The following SLIT3 variants were observed in gnomAD, a reference collection of about 807,000 sequenced individuals.
SLIT3 encodes slit homolog 3 protein.
In SLIT3, 68 loss-of-function variants were observed where a neutral mutation model predicts 184.0. That is an observed-to-expected ratio of 0.37 (90% CI 0.30 to 0.45). SLIT3 has a LOEUF of 0.45. Among genes scored for constraint, SLIT3 ranks in the 20% least tolerant of loss-of-function variants. The pLI is 1.00. For synonymous variants in SLIT3, 831 were observed against 828.6 expected, an observed-to-expected ratio of 1.00 and a Z score of -0.05; for missense variants, 1,707 against 2,026.0, an observed-to-expected ratio of 0.84 and a Z score of 3.02.
chr5:169,244,334 G>C (rs751007517), intron 3 of SLIT3, among the ~76,000 whole-genome samples: 2 of 152,234 alleles, frequency 1.3e-5, no homozygotes, highest in Non-Finnish European at 2.9e-5. Flanking sequence ...GAGGACTAGG[G>C]ACTATCTGAT....
At chr5:169,015,086 C>T (rs969134037) in intron 4 of SLIT3, among the ~76,000 whole-genome samples, 4 of 149,548 alleles carry the variant, frequency 2.7e-5, no homozygotes, top group African/African-American at 9.9e-5. Context: ...AAATGAATTA[C>T]AAACCAACTA....
At chr5:169,283,412 C>T (rs1767053917) in intron 1 of SLIT3, among the ~76,000 whole-genome samples, 1 of 152,186 alleles carries the variant, frequency 6.6e-6, no homozygotes, top group South Asian at 2.1e-4. Context: ...TCTCCTTGTT[C>T]CTCTGGTCAA....
At chr5:168,762,791 G>A in intron 14 of SLIT3, 102 bp from the exon 15 acceptor site, 3 of 1,199,696 alleles carry the variant, frequency 2.5e-6, no homozygotes, top group Non-Finnish European at 3.6e-6. Context: ...GGAATGAGTT[G>A]GGGGCTGTTA....
At chr5:168,693,387 C>T (rs918378198) in intron 28 of SLIT3, among the ~76,000 whole-genome samples, 1 of 152,212 alleles carries the variant, frequency 6.6e-6, no homozygotes, top group East Asian at 1.9e-4. Context: ...TCTCTAGACA[C>T]ATTGCCTTTG....
chr5:168,772,753 G>T lies in SLIT3; in HGVS notation c.1459+28C>A, dbSNP rs756424904. ...GGGCTGCTGCATTCTGAGTCAGAAA[G>T]CGGGGCCCAGCCCCGTAACCTGATT... is the stretch of plus-strand genomic sequence containing the variant. On this transcript the variant is annotated intron_variant, in intron 14 of 35. Transcript: ENST00000519560. 7.4e-6 allele frequency: 12 copies of T among 1,613,082 alleles called. No homozygotes were observed. The South Asian group carries it at 1.1e-4, about 15-fold the overall frequency.
intron 4 of SLIT3, among the ~76,000 whole-genome samples, chr5:168,900,490 C>T (rs1240981789): frequency 6.6e-6 from 1 of 152,116 alleles, no homozygotes; most frequent in Non-Finnish European, 1.5e-5. Context: ...TGGTATGTGC[C>T]TGTAGTCCCA....
At position 168,662,301 on chromosome 5, in the gene SLIT3, C is replaced by G. The variant is rs1057136946; in HGVS notation, c.*4153G>C. The G allele has an allele frequency of 5.3e-5, 8 of 152,250 alleles. No homozygotes were observed. The highest frequency in any genetic ancestry group is 1.9e-4 in the African/African-American group (8 of 41,462). 9.4% of individuals were successfully genotyped at this position (152,250 alleles called of 1,614,324 possible). The stretch of plus-strand genomic sequence containing the variant: ...GATCTTGAGTCTGAGGGGCAGGTCA[C>G]TTGTTGCTATGGGCTTCTGCTCCCA... On this transcript the variant is annotated 3_prime_UTR_variant, in exon 36 of 36. Transcript: ENST00000519560.
At chr5:168,773,345 C>T (rs1034071460) in intron 13 of SLIT3, among the ~76,000 whole-genome samples, 1 of 152,186 alleles carries the variant, frequency 6.6e-6, no homozygotes, top group Non-Finnish European at 1.5e-5. Context: ...TGGCACGGCG[C>T]CTGGCATATG....
intron 9 of SLIT3, among the ~76,000 whole-genome samples, chr5:168,798,714 G>C (rs1405858659): frequency 6.6e-6 from 1 of 152,140 alleles, no homozygotes; most frequent in Non-Finnish European, 1.5e-5. Context: ...TCAATGTAAA[G>C]TAAAGGAAAG....
At chr5:169,130,871 G>A (rs573306570) in intron 4 of SLIT3, among the ~76,000 whole-genome samples, 11 of 152,268 alleles carry the variant, frequency 7.2e-5, no homozygotes, top group African/African-American at 2.6e-4. Context: ...AAAAATGCAT[G>A]CTACAGAATG....
chr5:169,103,191 C>A (rs11749362), intron 4 of SLIT3, among the ~76,000 whole-genome samples: 2,529 of 152,282 alleles, frequency 0.017, 37 homozygotes, highest in East Asian at 0.035. Context: ...AAAAGAATGG[C>A]TAGATAATAT....
chr5:169,127,216 A>G (rs1389773582), intron 4 of SLIT3, among the ~76,000 whole-genome samples: 6 of 152,258 alleles, frequency 3.9e-5, no homozygotes, highest in Non-Finnish European at 8.8e-5. Flanking sequence ...AAGTCGAGTC[A>G]TAAAATCAAG....
chr5:168,807,890 G>A (rs992963067), intron 8 of SLIT3, among the ~76,000 whole-genome samples: 5 of 152,106 alleles, frequency 3.3e-5, no homozygotes, highest in South Asian at 4.1e-4. Flanking sequence ...AAGGTGGTGC[G>A]CTCTCCGCGT....
intron 3 of SLIT3, among the ~76,000 whole-genome samples, chr5:169,243,450 C>A (rs1765472914): frequency 6.6e-6 from 1 of 152,108 alleles, no homozygotes; most frequent in Non-Finnish European, 1.5e-5. Flanking sequence ...ATTATTTTCC[C>A]TTGCAAGAAA....
At chr5:169,068,247 ATG>A (rs1295341342) in intron 4 of SLIT3, among the ~76,000 whole-genome samples, 1 of 152,208 alleles carries the variant, frequency 6.6e-6, no homozygotes, top group African/African-American at 2.4e-5. Flanking sequence ...AAAGAAAAAA[ATG>A]TTAATATAAC....
At chr5:169,060,323 T>C (rs552901288) in intron 4 of SLIT3, among the ~76,000 whole-genome samples, 2 of 151,916 alleles carry the variant, frequency 1.3e-5, no homozygotes, top group Admixed American at 1.3e-4. Flanking sequence ...ACCCAGGAGG[T>C]AGAGGTTGCA....
intron 4 of SLIT3, among the ~76,000 whole-genome samples, chr5:169,133,792 C>A (rs1761394618): frequency 6.6e-6 from 1 of 152,184 alleles, no homozygotes; most frequent in Non-Finnish European, 1.5e-5. Flanking sequence ...AACAAAACTA[C>A]CTGTCAGGCA....
At position 169,029,601 on chromosome 5, in the gene SLIT3, T is replaced by C. The variant is rs566274893; in HGVS notation, c.414-146265A>G. Among the ~76,000 whole-genome samples, 8 of 152,330 alleles carry C rather than the reference T, an allele frequency of 5.3e-5. No homozygotes were observed. The East Asian group carries it at 9.6e-4, about 18-fold the overall frequency. On this transcript the variant is annotated intron_variant, in intron 4 of 35. Transcript: ENST00000519560. ...CCAGCAACTGAATCCCTAGAATACATTTTTTGTTTGTTTGTTTGAAATAAA... is the reference window on the plus strand; with the variant it reads ...CCAGCAACTGAATCCCTAGAATACACTTTTTGTTTGTTTGTTTGAAATAAA...
chr5:169,215,560 A>C (rs4868388), intron 3 of SLIT3, among the ~76,000 whole-genome samples: 31,164 of 152,142 alleles, frequency 0.2, 4,034 homozygotes, highest in East Asian at 0.64. Flanking sequence ...AAGCAACCAT[A>C]AACAATACAT....
Sources: allele counts gnomAD v4.1 joint callset (sites outside exome capture counted in the v4.1 genomes callset), GRCh38; gene constraint gnomAD v4.1.1; transcripts MANE v1.5; gene names NCBI Gene and HGNC (gene_info 2026-07-23, HGNC 2026-07-21).